EPS15L1: variants seen among roughly 807,000 people sequenced by gnomAD.
EPS15L1 encodes epidermal growth factor receptor pathway substrate 15 like 1, also known as epidermal growth factor receptor substrate 15-like 1.
In EPS15L1, 43 loss-of-function variants were observed where a neutral mutation model predicts 117.1. The ratio of observed to expected loss-of-function variants is 0.37; its 90% CI spans 0.29 to 0.47. EPS15L1 has a LOEUF of 0.47. Among genes scored for constraint, EPS15L1 ranks in the 20% least tolerant of loss-of-function variants. EPS15L1 has a pLI of 0.99. For missense variants in EPS15L1, 981 were observed against 1,164.0 expected (o/e 0.84, Z 2.29); for synonymous variants, 459 against 470.5 (o/e 0.98, Z 0.32).
In EPS15L1 at chr19:16,370,957, T is replaced by A. The variant is rs934149114; in HGVS notation, c.2380+6165A>T. Among the ~76,000 whole-genome samples the A allele has an allele frequency of 6.6e-6, 1 of 152,202 alleles. No individual in the cohort carries two copies. Among genetic ancestry groups the A allele is most frequent in the Non-Finnish European group, 1.5e-5 (1 of 68,026 alleles). On this transcript the variant is annotated intron_variant, in intron 22 of 23. Coordinates refer to ENST00000455140, the MANE Select transcript of EPS15L1 (RefSeq NM_001258374.3). This position sits in a 1 kb window ranked among gnomAD's most constrained non-coding sequence, Gnocchi z 5.2. ...CCTGGCTGGCAGGCAAGTGCCAGAA[T>A]TTTCCAGGCCCCTTGAGATGGTGGA...
intron 22 of EPS15L1, among the ~76,000 whole-genome samples, chr19:16,363,439 C>T (rs1285738960): frequency 6.6e-6 from 1 of 152,118 alleles, no homozygotes. Flanking sequence ...TCCGGTAGAA[C>T]GAGCCCACAC....
At chr19:16,429,697 G>A (rs575087988) in intron 7 of EPS15L1, among the ~76,000 whole-genome samples, 2 of 152,126 alleles carry the variant, frequency 1.3e-5, no homozygotes, top group African/African-American at 4.8e-5. Flanking sequence ...GGCAGATGGG[G>A]CCCTGTCACC....
intron 1 of EPS15L1, among the ~76,000 whole-genome samples, chr19:16,465,984 C>CT (rs1476399795): frequency 1.1e-4 from 16 of 145,124 alleles, no homozygotes; most frequent in Non-Finnish European, 2.1e-4. Flanking sequence ...CTCACTTTAT[C>CT]TATTTTTTTT....
intron 18 of EPS15L1, 99 bp from the exon 19 acceptor site, chr19:16,392,539 T>C (rs1052392074): frequency 2.4e-6 from 3 of 1,230,224 alleles, no homozygotes; most frequent in Admixed American, 4.2e-5. Context: ...CATGAAATTC[T>C]AGAAAGGTAA....
chr19:16,457,408 C>A (rs1001802261), intron 1 of EPS15L1, among the ~76,000 whole-genome samples: 2 of 152,134 alleles, frequency 1.3e-5, no homozygotes, highest in African/African-American at 4.8e-5. Flanking sequence ...GAAGGCCCCC[C>A]CTCCATGGCT....
At position 16,441,901 on chromosome 19, in the gene EPS15L1, G is replaced by A. The variant is rs772494734; in HGVS notation, c.156C>T (p.Ile52=). ...ATTCATCTTCACATACCTTCCCAAGGATAATGTCCGAGAGGCCAGACTTCT... is the reference window on the plus strand; with the variant it reads ...ATTCATCTTCACATACCTTCCCAAGAATAATGTCCGAGAGGCCAGACTTCT... ...FLKKSGLSDI[I]LGKIWDLADP... Residue 52 remains isoleucine (I), a synonymous_variant, in exon 3 of 24, where the codon ATC becomes ATT. Coordinates refer to ENST00000455140, the MANE Select transcript of EPS15L1 (RefSeq NM_001258374.3). The A allele has an allele frequency of 4.3e-6, 7 of 1,612,780 alleles. No homozygotes were observed. Among genetic ancestry groups the A allele is most frequent in the Non-Finnish European group, 5.9e-6 (7 of 1,179,182 alleles).
chr19:16,390,521 G>A (rs1303166964), intron 19 of EPS15L1, among the ~76,000 whole-genome samples: 3 of 152,088 alleles, frequency 2.0e-5, no homozygotes, highest in African/African-American at 7.2e-5. Flanking sequence ...GCCATTTGTA[G>A]AGCATTACAC....
At chr19:16,431,600 C>A (rs2092928377) in intron 7 of EPS15L1, among the ~76,000 whole-genome samples, 2 of 152,036 alleles carry the variant, frequency 1.3e-5, no homozygotes, top group Non-Finnish European at 2.9e-5. Flanking sequence ...CCGTACCGGG[C>A]CAGAAGGAAT....
intron 18 of EPS15L1, among the ~76,000 whole-genome samples, chr19:16,392,750 A>G (rs950387426): frequency 7.2e-5 from 11 of 152,158 alleles, no homozygotes; most frequent in Non-Finnish European, 1.3e-4. Context: ...AATAAAATTG[A>G]CTTTAAAAAT....
chr19:16,440,817 G>A (rs769119140), intron 4 of EPS15L1, 45 bp downstream of exon 4: 1 of 1,591,626 alleles, frequency 6.3e-7, no homozygotes, highest in South Asian at 1.1e-5. Flanking sequence ...CAGCCTGGGG[G>A]CTCTGCCCAG....
At chr19:16,434,226 G>A (rs1413069414) in intron 7 of EPS15L1, 139 bp downstream of exon 7, 2 of 1,154,796 alleles carry the variant, frequency 1.7e-6, no homozygotes, top group African/African-American at 3.1e-5. Flanking sequence ...GGACCCACAG[G>A]AGCGCTGATG....
intron 19 of EPS15L1, among the ~76,000 whole-genome samples, chr19:16,390,532 C>T (rs1035392728): frequency 5.3e-5 from 8 of 152,036 alleles, no homozygotes; most frequent in African/African-American, 1.9e-4. Context: ...AGCATTACAC[C>T]CAACAACTAG....
At chr19:16,384,447 A>G (rs2092397830) in intron 21 of EPS15L1, among the ~76,000 whole-genome samples, 1 of 152,072 alleles carries the variant, frequency 6.6e-6, no homozygotes, top group East Asian at 1.9e-4. Context: ...TTGTTTTTTG[A>G]CTTGTCCATT....
rs1164795815 is a variant in EPS15L1, at chr19:16,421,474, T to C, written c.795A>G (p.Pro265=). 2.5e-6 allele frequency: 4 copies of C among 1,609,898 alleles called. No homozygotes were observed. The Admixed American group carries it at 5.0e-5, about 20-fold the overall frequency. ...SPKHSLKQTQ[P]TVNWVVPVAD... ...CCACGGGCACCACCCAGTTCACTGT[T>C]GGCTGAAACAGTTTTTGGCAAAACA... The change falls in exon 10 of 24, where the codon CCA becomes CCG. Residue 265 remains proline, a splice_region_variant and synonymous_variant. Coordinates refer to ENST00000455140, the MANE Select transcript of EPS15L1 (RefSeq NM_001258374.3).
intron 21 of EPS15L1, chr19:16,384,084 G>A (rs1447603136): frequency 6.6e-6 from 1 of 152,402 alleles, no homozygotes; most frequent in Admixed American, 6.5e-5. Context: ...GCTGTGTTCT[G>A]CTTGTGGCTA....
In EPS15L1 at chr19:16,361,932, G is replaced by A. The variant is rs1306081000; in HGVS notation, c.2433C>T (p.Pro811=). The change falls in exon 23 of 24, where the codon CCC becomes CCT. Residue 811 remains proline, a synonymous_variant. Coordinates refer to ENST00000455140, the MANE Select transcript of EPS15L1 (RefSeq NM_001258374.3). ...QLGSADFPEA[P]DPFQPLGADS... ...CAGCCCCGAGTGGCTGGAATGGATC[G>A]GGGGCCTCGGGAAAGTCTGCGGAAC... The A allele has an allele frequency of 1.2e-6, 2 of 1,613,996 alleles. No homozygotes were observed. Among genetic ancestry groups the A allele is most frequent in the Admixed American group, 1.7e-5 (1 of 59,994 alleles).
chr19:16,424,203 T>A (rs1054095099), intron 9 of EPS15L1, among the ~76,000 whole-genome samples: 3 of 152,170 alleles, frequency 2.0e-5, no homozygotes, highest in Non-Finnish European at 4.4e-5. Context: ...ACAAGAGCAT[T>A]GCTGGCCTGG....
chr19:16,445,864 T>C (rs905106263), intron 1 of EPS15L1, among the ~76,000 whole-genome samples: 1 of 152,182 alleles, frequency 6.6e-6, no homozygotes, highest in Non-Finnish European at 1.5e-5. Context: ...TGGAAGGAAG[T>C]GCAGCAGAGC....
rs1200986359 is a variant in EPS15L1, at chr19:16,464,871, C to CAGG, written c.33+7041_33+7042insCCT. 7.2e-5 allele frequency among the ~76,000 whole-genome samples: 11 copies of CAGG among 152,180 alleles called. No homozygotes were observed. In the East Asian group the frequency reaches 9.7e-4, roughly 13 times the overall value. On this transcript the variant is annotated intron_variant, in intron 1 of 23. Transcript: ENST00000455140. ...GGCCAAGGCGGGCAGATCACAAGGT[C>CAGG]AGATCGAGACCATCCTGCCTAACCA...
Sources: gnomAD v4.1 joint callset for allele counts (sites outside exome capture counted in the v4.1 genomes callset) on GRCh38, gnomAD v4.1.1 for gene constraint, Gnocchi (gnomAD v3.1) non-coding constraint, MANE v1.5 for transcripts, NCBI Gene and HGNC (gene_info 2026-07-23, HGNC 2026-07-21) for gene names.